DENND6A: variants seen among roughly 807,000 people sequenced by gnomAD.
DENND6A encodes the protein DENN domain containing 6A.
A neutral mutation model predicts 95.5 loss-of-function variants in DENND6A; 43 were observed. The observed-to-expected ratio is 0.45, with a 90% CI of 0.35 to 0.58. The LOEUF (loss-of-function observed/expected upper bound fraction) is 0.58. Among genes scored for constraint, DENND6A ranks in the 20% least tolerant of loss-of-function variants. The pLI is 0.00. For missense variants in DENND6A, 574 were observed against 736.0 expected (o/e 0.78, Z 2.55); for synonymous variants, 257 against 260.4 (o/e 0.99, Z 0.13).
At chr3:57,645,792 C>T (rs755264269) in intron 10 of DENND6A, 36 bp from the exon 11 acceptor site, 2 of 1,511,126 alleles carry the variant, frequency 1.3e-6, no homozygotes, top group Admixed American at 3.5e-5. Context: ...ATAAAGGACA[C>T]AGAAATTAAA....
At position 57,630,970 on chromosome 3, in the gene DENND6A, A is replaced by C; in HGVS notation, c.1362T>G (p.Tyr454Ter). 6.2e-7 allele frequency: 1 copy of C among 1,613,138 alleles called. No homozygotes were observed. The highest frequency in any genetic ancestry group is 8.5e-7 in the Non-Finnish European group (1 of 1,179,818). ...TCTGCAAAGGCATCAAGCTTGCCAC[A>C]TATCTTTCCTAAAACCAAGAAAAAA... The part of the protein sequence containing the change: ...TQSFIIPLER[Y>*]VASLMPLQKS... Residue 454 changes from tyrosine to a stop codon, truncating the protein, a stop_gained, in exon 16 of 20, where the codon TAT (tyrosine) becomes TAG (stop). Coordinates refer to ENST00000311128, the MANE Select transcript of DENND6A (RefSeq NM_152678.3). LOFTEE classifies it high-confidence loss of function.
chr3:57,670,548 C>T (rs935781893), intron 3 of DENND6A, among the ~76,000 whole-genome samples: 2 of 152,140 alleles, frequency 1.3e-5, no homozygotes, highest in African/African-American at 4.8e-5. Flanking sequence ...TTCTCCTCTT[C>T]CTGGTATGGG....
chr3:57,662,723 T>C (rs1307568558), intron 5 of DENND6A, among the ~76,000 whole-genome samples: 1 of 152,096 alleles, frequency 6.6e-6, no homozygotes, highest in Non-Finnish European at 1.5e-5. Context: ...GCAATAACTG[T>C]AACTTACTGT....
chr3:57,667,787 C>T (rs2071547853), intron 3 of DENND6A, among the ~76,000 whole-genome samples: 1 of 152,128 alleles, frequency 6.6e-6, no homozygotes, highest in Non-Finnish European at 1.5e-5. Flanking sequence ...ACTTTTAGAC[C>T]AGACACAGTG....
chr3:57,664,286 C>T (rs1161945953), intron 4 of DENND6A, among the ~76,000 whole-genome samples: 4 of 152,098 alleles, frequency 2.6e-5, no homozygotes, highest in Non-Finnish European at 5.9e-5. Context: ...GTCAGTTACA[C>T]GTTAACCCAA....
intron 11 of DENND6A, among the ~76,000 whole-genome samples, chr3:57,645,361 T>G (rs1277301534): frequency 6.6e-6 from 1 of 152,072 alleles, no homozygotes; most frequent in Non-Finnish European, 1.5e-5. Context: ...CTCAGGAGGC[T>G]GAGGCAGGAG....
At chr3:57,639,311 G>A (rs906015355) in intron 12 of DENND6A, among the ~76,000 whole-genome samples, 22 of 152,184 alleles carry the variant, frequency 1.4e-4, no homozygotes, top group African/African-American at 4.8e-4. Flanking sequence ...TACATTGCTG[G>A]TAAGAATGTA....
rs2071382058 is a variant in DENND6A at position 57,659,261 on chromosome 3, T to C, written c.700-81A>G. The C allele has an allele frequency of 7.6e-6, 11 of 1,441,530 alleles. No homozygotes were observed. The South Asian group carries it at 9.2e-5, about 12-fold the overall frequency. 89.3% of individuals were successfully genotyped at this position (1,441,530 alleles called of 1,614,324 possible). On this transcript the variant is annotated intron_variant, in intron 7 of 19. Transcript: ENST00000311128. Reference sequence around the variant, plus strand: ...GCTGTATCCTGCTGCTAAAAAGGTATGGTCAGTAATGCCAAAAAAGCTACA... The same window carrying C: ...GCTGTATCCTGCTGCTAAAAAGGTACGGTCAGTAATGCCAAAAAAGCTACA...
chr3:57,653,860 T>A (rs1250754190), intron 9 of DENND6A, among the ~76,000 whole-genome samples: 1 of 149,858 alleles, frequency 6.7e-6, no homozygotes, highest in Non-Finnish European at 1.5e-5. Flanking sequence ...ACATTTATAT[T>A]CCCATTCTGG....
intron 3 of DENND6A, among the ~76,000 whole-genome samples, 166 bp from the exon 4 acceptor site, chr3:57,666,401 C>G (rs1205063397): frequency 6.6e-6 from 1 of 152,208 alleles, no homozygotes; most frequent in African/African-American, 2.4e-5. Context: ...TTGCTCAAAG[C>G]CATCCTTGCT....
At chr3:57,644,665 C>G (rs1158447545) in intron 11 of DENND6A, among the ~76,000 whole-genome samples, 1 of 117,238 alleles carries the variant, frequency 8.5e-6, no homozygotes, top group Non-Finnish European at 1.8e-5. Context: ...GAAGAGGTGG[C>G]AGACCAGCCT....
At position 57,680,548 on chromosome 3, in the gene DENND6A, C is replaced by T. The variant is rs188734943; in HGVS notation, c.238-8110G>A. ...TATCAGCCAGTACCTTGATCTTGGA[C>T]TTGTGAGCCTCCAGAGCTATGAGAA... is the stretch of plus-strand genomic sequence containing the variant. On this transcript the variant is annotated intron_variant, in intron 1 of 19. Coordinates refer to ENST00000311128, the MANE Select transcript of DENND6A (RefSeq NM_152678.3). Among the ~76,000 whole-genome samples, 59 of 152,306 alleles carry T rather than the reference C, an allele frequency of 3.9e-4. No individual in the cohort carries two copies. In the East Asian group the frequency reaches 7.5e-3, roughly 19 times the overall value.
chr3:57,673,229 A>AAAAAAG (rs2071650008), intron 1 of DENND6A, among the ~76,000 whole-genome samples: 1 of 149,798 alleles, frequency 6.7e-6, no homozygotes, highest in Non-Finnish European at 1.5e-5. Context: ...AAAAAAAAAA[A>AAAAAAG]AAAGAAAGAA....
chr3:57,679,694 G>T, intron 1 of DENND6A: 1 of 381,120 alleles, frequency 2.6e-6, no homozygotes, highest in Non-Finnish European at 3.6e-6. Context: ...ATGGTCCATT[G>T]TTGCTCACTG....
intron 1 of DENND6A, among the ~76,000 whole-genome samples, chr3:57,675,232 A>G (rs1030307898): frequency 3.3e-5 from 5 of 152,236 alleles, no homozygotes; most frequent in Non-Finnish European, 7.3e-5. Flanking sequence ...TAATATTTAC[A>G]TTAGGTAAAA....
chr3:57,685,916 T>G (rs984347989), intron 1 of DENND6A, among the ~76,000 whole-genome samples: 1 of 152,110 alleles, frequency 6.6e-6, no homozygotes, highest in African/African-American at 2.4e-5. Context: ...GACCACATTT[T>G]GACAACAGCT....
At chr3:57,645,935 C>G (rs150573010) in intron 10 of DENND6A, among the ~76,000 whole-genome samples, 179 bp from the exon 11 acceptor site, 1 of 152,154 alleles carries the variant, frequency 6.6e-6, no homozygotes, top group Non-Finnish European at 1.5e-5. Context: ...AAATGGCATA[C>G]TGAAAGAACA....
Position 57,628,227 on chromosome 3 carries a change from G to A in DENND6A, c.1814C>T (p.Thr605Met), listed in dbSNP as rs150849318. 119 of 1,612,862 alleles carry A rather than the reference G, an allele frequency of 7.4e-5. 1 individual carries two copies. The highest frequency in any genetic ancestry group is 4.4e-5 in the Non-Finnish European group (52 of 1,179,650). Reference protein sequence around the residue: ...PEDLQGILLKTGMT With the variant: ...PEDLQGILLKMGMT ...TCTTGGCAAATATCATGTCATGCCC[G>A]TTTTGAGCAGTATGCCTTGCAAGTC... The change falls in exon 20 of 20, where the codon ACG becomes ATG. Residue 605 changes from threonine to methionine, a missense_variant. Physicochemically the swap from Thr to Met is moderately conservative, Grantham distance 81 (BLOSUM62 -1). Around this residue, in one of 2 missense-constraint regions of DENND6A, gnomAD observed 452 missense variants for 630.9 expected, o/e 0.72. Transcript: ENST00000311128.
intron 9 of DENND6A, among the ~76,000 whole-genome samples, chr3:57,654,196 C>G (rs1309241114): frequency 6.6e-6 from 1 of 151,698 alleles, no homozygotes; most frequent in Non-Finnish European, 1.5e-5. Context: ...ACCTCGTGAT[C>G]CACCTGCCTT....
Sources: gnomAD v4.1 joint callset for allele counts (sites outside exome capture counted in the v4.1 genomes callset) on GRCh38, gnomAD v4.1.1 for gene constraint, gnomAD v4.1.1 regional missense constraint, MANE v1.5 for transcripts, NCBI Gene and HGNC (gene_info 2026-07-23, HGNC 2026-07-21) for gene names.